The following GALNT13 variants were observed in gnomAD, a reference collection of about 807,000 sequenced individuals.
The protein encoded by GALNT13 is UDP-GalNAc:polypeptide N-acetylgalactosaminyltransferase 13.
Under a neutral mutation model 64.2 loss-of-function variants are expected in GALNT13, and 28 were observed. That is an observed-to-expected ratio of 0.44 (90% CI 0.32 to 0.60). The LOEUF (loss-of-function observed/expected upper bound fraction) is 0.60, where lower values mean the gene tolerates loss of function less well. Among genes scored for constraint, GALNT13 ranks in the 20% least tolerant of loss-of-function variants. GALNT13 has a pLI of 0.05. For missense variants in GALNT13, 577 were observed against 669.8 expected, an observed-to-expected ratio of 0.86 and a Z score of 1.53; for synonymous variants, 214 against 224.6, an observed-to-expected ratio of 0.95 and a Z score of 0.42.
chr2:153,150,690 T>A, the GALNT13 span, among the ~76,000 whole-genome samples: 2 of 152,182 alleles, frequency 1.3e-5, no homozygotes, highest in African/African-American at 2.4e-5. Flanking sequence ...TTTCTACATA[T>A]GGCTAGCCAG....
intron 9 of GALNT13, among the ~76,000 whole-genome samples, chr2:154,345,585 A>G (rs1330774361): frequency 1.3e-5 from 2 of 152,054 alleles, no homozygotes; most frequent in Admixed American, 6.6e-5. Context: ...GCACACTTCT[A>G]GAAAAAAGAA....
chr2:154,351,682 C>CAAAAAAA lies in GALNT13; in HGVS notation c.1157-44277_1157-44271dup, dbSNP rs567606376. ...TGGGCGACAAAGCGAGACTCCGTCT[C>CAAAAAAA]AAAAAAAAAAAAAAAAAAAAAAAAA... is the stretch of plus-strand genomic sequence containing the variant. On this transcript the variant is annotated intron_variant, in intron 9 of 12. Coordinates refer to ENST00000392825, the MANE Select transcript of GALNT13 (RefSeq NM_052917.4). Among the ~76,000 whole-genome samples the CAAAAAAA allele has an allele frequency of 3.5e-3, 157 of 44,686 alleles. 29 individuals carry two copies. Among genetic ancestry groups the CAAAAAAA allele is most frequent in the Non-Finnish European group, 4.7e-3 (125 of 26,656 alleles). The allele number at this position is 44,686 out of a possible 152,430, so 29.3% of individuals were successfully genotyped here. A position where few individuals can be genotyped will look rare whatever the true frequency, so the allele number is the denominator to read the frequency against.
At chr2:153,173,077 A>C in the GALNT13 span, 2 of 150,894 alleles carry the variant, frequency 1.3e-5, no homozygotes, top group African/African-American at 4.9e-5. Context: ...ATCTTGTAAT[A>C]TATATCTATA....
the GALNT13 span, chr2:153,761,362 C>G: frequency 6.6e-6 from 1 of 152,192 alleles, no homozygotes; most frequent in South Asian, 2.1e-4. Context: ...AAAACAATAG[C>G]AGGTAGTGAA....
intron 3 of GALNT13, among the ~76,000 whole-genome samples, chr2:153,947,513 T>G (rs546337383): frequency 6.7e-6 from 1 of 149,566 alleles, no homozygotes; most frequent in Non-Finnish European, 1.5e-5. Context: ...TCATGTCTTT[T>G]GCCCACTTTT....
At chr2:153,866,694 CAAAT>C in the GALNT13 span, among the ~76,000 whole-genome samples, 2 of 152,020 alleles carry the variant, frequency 1.3e-5, no homozygotes, top group African/African-American at 2.4e-5. Flanking sequence ...CCAAATAAAA[CAAAT>C]AAAACTTTAA....
chr2:153,411,179 A>AT, the GALNT13 span, among the ~76,000 whole-genome samples: 19,633 of 128,018 alleles, frequency 0.15, 1,407 homozygotes, highest in South Asian at 0.19. Context: ...ATATATATAT[A>AT]TTTTTTTTTT....
chr2:153,109,424 A>G, the GALNT13 span, among the ~76,000 whole-genome samples: 2 of 152,142 alleles, frequency 1.3e-5, no homozygotes, highest in Admixed American at 6.6e-5. Context: ...ACATGCTGCT[A>G]TGGAAAACAG....
At chr2:154,077,941 A>G (rs1409088893) in intron 3 of GALNT13, among the ~76,000 whole-genome samples, 4 of 151,502 alleles carry the variant, frequency 2.6e-5, no homozygotes, top group East Asian at 3.9e-4. Flanking sequence ...ATTGTTAAAC[A>G]GAGAATGGTC....
chr2:153,357,030 G>A, the GALNT13 span, among the ~76,000 whole-genome samples: 35 of 151,882 alleles, frequency 2.3e-4, no homozygotes, highest in African/African-American at 8.5e-4. Flanking sequence ...GGATGGTCTC[G>A]ATCTCCTGAT....
chr2:153,186,450 C>T, the GALNT13 span, among the ~76,000 whole-genome samples: 1 of 152,016 alleles, frequency 6.6e-6, no homozygotes, highest in African/African-American at 2.4e-5. Context: ...TTAGCTCATG[C>T]TTATTTAAGC....
the GALNT13 span, among the ~76,000 whole-genome samples, chr2:153,352,816 C>T: frequency 1.5e-3 from 228 of 152,138 alleles, no homozygotes; most frequent in African/African-American, 4.9e-3. Flanking sequence ...ATCTTTTTGT[C>T]GGCTCTTTCA....
chr2:153,257,016 C>CCTAATG, the GALNT13 span, among the ~76,000 whole-genome samples: 1 of 152,138 alleles, frequency 6.6e-6, no homozygotes, highest in Non-Finnish European at 1.5e-5. Flanking sequence ...TTTACCTAAT[C>CCTAATG]AAGTCTGGGC....
chr2:153,266,083 A>G, the GALNT13 span, among the ~76,000 whole-genome samples: 4 of 152,204 alleles, frequency 2.6e-5, no homozygotes, highest in African/African-American at 9.7e-5. Flanking sequence ...ATTCAGTGGG[A>G]AACCAAAAAA....
At chr2:154,150,987 G>C (rs187300263) in intron 4 of GALNT13, among the ~76,000 whole-genome samples, 1 of 152,144 alleles carries the variant, frequency 6.6e-6, no homozygotes, top group East Asian at 1.9e-4. Context: ...GAATGTGTTT[G>C]CCCTTGCTTT....
the GALNT13 span, among the ~76,000 whole-genome samples, chr2:153,851,395 C>A: frequency 2.6e-5 from 4 of 152,014 alleles, no homozygotes; most frequent in Non-Finnish European, 2.9e-5. Flanking sequence ...TATTGAAAAT[C>A]TTTTAGGTAG....
intron 9 of GALNT13, among the ~76,000 whole-genome samples, chr2:154,306,618 T>TC (rs1553512828): frequency 1.6e-5 from 2 of 126,408 alleles, no homozygotes; most frequent in African/African-American, 5.7e-5. Flanking sequence ...GATAATTTGG[T>TC]GGGGGGGGGG....
At chr2:154,264,802 A>C (rs1690896467) in intron 8 of GALNT13, among the ~76,000 whole-genome samples, 1 of 151,918 alleles carries the variant, frequency 6.6e-6, no homozygotes, top group Non-Finnish European at 1.5e-5. Flanking sequence ...AGAAAAAAAA[A>C]AAAAAGAGGT....
intron 3 of GALNT13, among the ~76,000 whole-genome samples, chr2:154,136,241 A>C (rs1318655308): frequency 6.6e-6 from 1 of 152,210 alleles, no homozygotes; most frequent in Admixed American, 6.5e-5. Context: ...TACAATTTGA[A>C]AGATTTTTTT....
Sources: gnomAD v4.1 joint callset for allele counts (sites outside exome capture counted in the v4.1 genomes callset) on GRCh38, gnomAD v4.1.1 for gene constraint, MANE v1.5 for transcripts, NCBI Gene and HGNC (gene_info 2026-07-23, HGNC 2026-07-21) for gene names.